The following EGFLAM variants were observed in gnomAD, a reference collection of about 807,000 sequenced individuals.
EGFLAM encodes pikachurin.
Under a neutral mutation model 113.1 loss-of-function variants are expected in EGFLAM, and 79 were observed. The observed-to-expected ratio is 0.70, with a 90% CI of 0.58 to 0.84. EGFLAM has a LOEUF of 0.84. Among genes scored for constraint, EGFLAM ranks in the 40% least tolerant of loss-of-function variants. EGFLAM has a pLI of 0.00. For synonymous variants in EGFLAM, 504 were observed against 487.6 expected (o/e 1.03, Z -0.44); for missense variants, 1,265 against 1,291.6 (o/e 0.98, Z 0.32).
chr5:38,364,471 A>T (rs533580403), intron 5 of EGFLAM, among the ~76,000 whole-genome samples: 147 of 152,294 alleles, frequency 9.7e-4, no homozygotes, highest in African/African-American at 3.4e-3. Flanking sequence ...GCAAGAAGAA[A>T]ATGTTCCTGG....
At chr5:38,264,175 G>T (rs973529880) in intron 1 of EGFLAM, among the ~76,000 whole-genome samples, 2 of 152,174 alleles carry the variant, frequency 1.3e-5, no homozygotes, top group South Asian at 4.2e-4. Context: ...CTGGCACTAG[G>T]GGGGCTGGAG....
intron 1 of EGFLAM, among the ~76,000 whole-genome samples, chr5:38,310,643 T>C (rs773089321): frequency 2.0e-5 from 3 of 152,170 alleles, no homozygotes; most frequent in Non-Finnish European, 4.4e-5. Flanking sequence ...TCAATTTTTT[T>C]CCCTAATGCC....
intron 2 of EGFLAM, among the ~76,000 whole-genome samples, chr5:38,338,116 A>G (rs1354676964): frequency 6.6e-6 from 1 of 152,198 alleles, no homozygotes; most frequent in Non-Finnish European, 1.5e-5. Context: ...GTTTTTAGAA[A>G]TGAGTCAACT....
At chr5:38,315,468 G>T (rs531048212) in intron 1 of EGFLAM, among the ~76,000 whole-genome samples, 2 of 152,166 alleles carry the variant, frequency 1.3e-5, no homozygotes, top group Admixed American at 6.5e-5. Context: ...AGTGCATTTT[G>T]TGTTTAAAAA....
chr5:38,388,510 A>G (rs1289686713), intron 6 of EGFLAM, among the ~76,000 whole-genome samples: 1 of 152,086 alleles, frequency 6.6e-6, no homozygotes, highest in Non-Finnish European at 1.5e-5. Flanking sequence ...TTGGAAGGCC[A>G]AGGCAGGTGG....
chr5:38,372,724 T>C (rs1330523899), intron 6 of EGFLAM, among the ~76,000 whole-genome samples: 1 of 152,188 alleles, frequency 6.6e-6, no homozygotes, highest in South Asian at 2.1e-4. Flanking sequence ...ATAGACATAA[T>C]TTTACACTTC....
intron 14 of EGFLAM, chr5:38,429,876 G>T: frequency 6.5e-6 from 1 of 153,998 alleles, no homozygotes; most frequent in South Asian, 2.0e-4. Flanking sequence ...AAATTTTAAT[G>T]ACCAAAACAA....
chr5:38,427,172 C>G lies in EGFLAM; in HGVS notation c.1974C>G (p.Ser658Arg). Residue 658 changes from serine to arginine, a missense_variant, in exon 14 of 22, where the codon AGC (serine) becomes AGG (arginine). Physicochemically the swap from Ser to Arg is moderately radical, Grantham distance 110 (BLOSUM62 -1). Transcript: ENST00000322350. ...GVLLYSYDTGSKDFLSINLAG... is the reference protein window; with the variant it reads ...GVLLYSYDTGRKDFLSINLAG... ...TCCTGTACAGCTATGACACAGGCAG[C>G]AAAGACTTCCTGTCCATCAACTTGG... The G allele has an allele frequency of 6.2e-7, 1 of 1,614,156 alleles. No individual in the cohort carries two copies. Among genetic ancestry groups the G allele is most frequent in the Non-Finnish European group, 8.5e-7 (1 of 1,180,028 alleles).
At chr5:38,318,960 G>T (rs1442823118) in intron 1 of EGFLAM, among the ~76,000 whole-genome samples, 1 of 152,196 alleles carries the variant, frequency 6.6e-6, no homozygotes, top group Non-Finnish European at 1.5e-5. Context: ...TTATCTGAGA[G>T]AACTTTCTAG....
At chr5:38,402,394 G>A (rs993318218) in intron 6 of EGFLAM, among the ~76,000 whole-genome samples, 3 of 152,152 alleles carry the variant, frequency 2.0e-5, no homozygotes, top group Middle Eastern at 3.2e-3. Flanking sequence ...TAAAATGGAA[G>A]TAATAACACC....
chr5:38,271,582 A>G (rs576772533), intron 1 of EGFLAM, among the ~76,000 whole-genome samples: 37 of 152,286 alleles, frequency 2.4e-4, no homozygotes, highest in African/African-American at 8.7e-4. Flanking sequence ...CCAATGCTGA[A>G]TGTTATCCAC....
At chr5:38,337,441 G>A (rs1167209479) in intron 1 of EGFLAM, 79 bp from the exon 2 acceptor site, 1 of 1,253,338 alleles carries the variant, frequency 8.0e-7, no homozygotes, top group Non-Finnish European at 1.1e-6. Context: ...GTTAGATAAT[G>A]CACTCTTAAA....
intron 6 of EGFLAM, among the ~76,000 whole-genome samples, chr5:38,376,833 A>G (rs1740376848): frequency 6.6e-6 from 1 of 151,806 alleles, no homozygotes; most frequent in South Asian, 2.1e-4. Context: ...ATCACGCCTG[A>G]CTAATTTTTG....
chr5:38,379,805 C>A (rs1385385803), intron 6 of EGFLAM, among the ~76,000 whole-genome samples: 1 of 147,464 alleles, frequency 6.8e-6, no homozygotes, highest in East Asian at 2.0e-4. Context: ...ACCACTTAAG[C>A]ACATTCTAGA....
chr5:38,421,911 T>A (rs1263177080), intron 12 of EGFLAM, among the ~76,000 whole-genome samples: 1 of 152,108 alleles, frequency 6.6e-6, no homozygotes, highest in Non-Finnish European at 1.5e-5. Context: ...GAGAAGATCT[T>A]CTGACAGCTC....
chr5:38,309,108 C>G (rs1758800496), intron 1 of EGFLAM, among the ~76,000 whole-genome samples: 1 of 152,176 alleles, frequency 6.6e-6, no homozygotes, highest in Non-Finnish European at 1.5e-5. Context: ...ATGCTCAAAA[C>G]TCATCACTTA....
intron 12 of EGFLAM, 120 bp downstream of exon 12, chr5:38,418,375 C>A: frequency 1.6e-6 from 2 of 1,272,160 alleles, no homozygotes; most frequent in Non-Finnish European, 1.1e-6. Flanking sequence ...GAAGCTGGTA[C>A]CTTCAGAACA....
rs1579733973 is a variant in EGFLAM at position 38,291,316 on chromosome 5, G to T, written c.97+32465G>T. Among the ~76,000 whole-genome samples, 3 of 151,958 alleles carry T rather than the reference G, an allele frequency of 2.0e-5. No individual in the cohort carries two copies. In the East Asian group the frequency reaches 5.8e-4, roughly 29 times the overall value. On this transcript the variant is annotated intron_variant, in intron 1 of 21. Transcript: ENST00000322350. ...CCATATGCATATTCATTTCATTTTCGGCCCATGTTGGCTGACCTTCCCAAA... is the reference window on the plus strand; with the variant it reads ...CCATATGCATATTCATTTCATTTTCTGCCCATGTTGGCTGACCTTCCCAAA...
At chr5:38,340,288 C>CT (rs1323511926) in intron 3 of EGFLAM, among the ~76,000 whole-genome samples, 1 of 152,184 alleles carries the variant, frequency 6.6e-6, no homozygotes, top group Non-Finnish European at 1.5e-5. Context: ...TAAACCTCAA[C>CT]TTTTTTTCCT....
Sources: gnomAD v4.1 joint callset for allele counts (sites outside exome capture counted in the v4.1 genomes callset) on GRCh38, gnomAD v4.1.1 for gene constraint, MANE v1.5 for transcripts, NCBI Gene and HGNC (gene_info 2026-07-23, HGNC 2026-07-21) for gene names.